The following HTR1F variants were observed in gnomAD, a reference collection of about 807,000 sequenced individuals.
HTR1F encodes 5-hydroxytryptamine receptor 1F, also known as 5-hydroxytryptamine (serotonin) receptor 1F, G protein-coupled.
In HTR1F, 17 loss-of-function variants were observed where a neutral mutation model predicts 24.0. That is an observed-to-expected ratio of 0.71 (90% CI 0.48 to 1.06). HTR1F has a LOEUF of 1.06. HTR1F is among the 50% of genes least tolerant of loss of function. HTR1F has a pLI of 0.00. For synonymous variants in HTR1F, 186 were observed against 156.8 expected, an observed-to-expected ratio of 1.19 and a Z score of -1.39; for missense variants, 391 against 427.8, an observed-to-expected ratio of 0.91 and a Z score of 0.76.
chr3:87,931,794 G>T (rs1313306581), intron 2 of HTR1F, among the ~76,000 whole-genome samples: 1 of 149,096 alleles, frequency 6.7e-6, no homozygotes, highest in East Asian at 2.0e-4. Flanking sequence ...TTCTCTGATG[G>T]CCAGTGATGG....
At chr3:87,920,213 G>A (rs1174281684) in intron 2 of HTR1F, among the ~76,000 whole-genome samples, 1 of 151,770 alleles carries the variant, frequency 6.6e-6, no homozygotes, top group Non-Finnish European at 1.5e-5. Flanking sequence ...GGATGCAAAG[G>A]CATAAGAATG....
intron 2 of HTR1F, among the ~76,000 whole-genome samples, chr3:87,953,591 T>C (rs1475290838): frequency 6.6e-6 from 1 of 151,512 alleles, no homozygotes; most frequent in Non-Finnish European, 1.5e-5. Flanking sequence ...TTGGTGGGAA[T>C]GTAAATTAGT....
intron 2 of HTR1F, among the ~76,000 whole-genome samples, chr3:87,970,069 T>G (rs956269351): frequency 6.6e-6 from 1 of 152,226 alleles, no homozygotes; most frequent in Non-Finnish European, 1.5e-5. Context: ...TCTTTCTTTA[T>G]AAATTACCCA....
chr3:87,830,908 G>A (rs189405696), intron 2 of HTR1F, among the ~76,000 whole-genome samples: 78 of 152,194 alleles, frequency 5.1e-4, no homozygotes, highest in Middle Eastern at 3.4e-3. Context: ...AATGTTTATG[G>A]CACATGTATT....
intron 2 of HTR1F, among the ~76,000 whole-genome samples, chr3:87,904,334 C>T (rs1455769670): frequency 6.6e-6 from 1 of 152,062 alleles, no homozygotes; most frequent in East Asian, 1.9e-4. Flanking sequence ...AATTGGGACA[C>T]TCAATACGCT....
At chr3:87,854,016 T>A (rs1289637303) in intron 2 of HTR1F, among the ~76,000 whole-genome samples, 1 of 152,058 alleles carries the variant, frequency 6.6e-6, no homozygotes, top group Non-Finnish European at 1.5e-5. Flanking sequence ...AAAATTTGGC[T>A]ATAAATCTAT....
At chr3:87,987,257 G>A (rs1221708209) in intron 2 of HTR1F, among the ~76,000 whole-genome samples, 12 of 152,054 alleles carry the variant, frequency 7.9e-5, no homozygotes, top group Non-Finnish European at 1.8e-4. Flanking sequence ...GGAGATATTG[G>A]AAGTAAAGTA....
intron 2 of HTR1F, among the ~76,000 whole-genome samples, chr3:87,945,333 T>C (rs1704672175): frequency 6.6e-6 from 1 of 152,106 alleles, no homozygotes; most frequent in South Asian, 2.1e-4. Flanking sequence ...CCTTTGGAGA[T>C]ACAACTTGCT....
intron 2 of HTR1F, among the ~76,000 whole-genome samples, chr3:87,896,014 T>A (rs1576000147): frequency 1.3e-5 from 2 of 152,188 alleles, no homozygotes; most frequent in East Asian, 3.9e-4. Flanking sequence ...TATTGTTGAA[T>A]TAGAAACAGT....
rs528414308 is a variant in HTR1F, at chr3:87,982,537, C to A, written c.-42-8171C>A. ...AGACTTTCTGTAGGCAGAAAGCAGG[C>A]TAAGAAGGCTACTTAGCTATAATCC... On this transcript the variant is annotated intron_variant, in intron 2 of 2. Coordinates refer to ENST00000319595, the MANE Select transcript of HTR1F (RefSeq NM_001322209.2). 4.6e-5 allele frequency among the ~76,000 whole-genome samples: 7 copies of A among 152,142 alleles called. No homozygotes were observed. The East Asian group carries it at 1.4e-3, about 30-fold the overall frequency.
rs1212917398 is a variant in HTR1F at position 87,990,942 on chromosome 3, C to T, written c.193C>T (p.Leu65Phe). The change falls in exon 3 of 3, where the codon CTT (leucine) becomes TTT (phenylalanine). Residue 65 changes from leucine to phenylalanine, a missense_variant. By Grantham distance (22) the Leu-to-Phe change is conservative (BLOSUM62 0). Transcript: ENST00000319595. ...HHPANYLICS[L>F]AVTDFLVAVL... is the part of the protein sequence containing the mutation. ...TCCAGCCAATTATTTAATTTGTTCC[C>T]TTGCAGTCACAGATTTTCTTGTGGC... The T allele has an allele frequency of 1.2e-6, 2 of 1,614,124 alleles. No homozygotes were observed.
chr3:87,930,840 T>C (rs1704246282), intron 2 of HTR1F, among the ~76,000 whole-genome samples: 1 of 152,128 alleles, frequency 6.6e-6, no homozygotes, highest in African/African-American at 2.4e-5. Flanking sequence ...TACCTATACA[T>C]ATACATTTAT....
At chr3:87,914,866 C>A (rs1352581852) in intron 2 of HTR1F, among the ~76,000 whole-genome samples, 1 of 152,092 alleles carries the variant, frequency 6.6e-6, no homozygotes, top group Non-Finnish European at 1.5e-5. Flanking sequence ...GAAAGCACCA[C>A]CCCCTGGCAG....
At chr3:87,824,012 G>C (rs1284923126) in intron 2 of HTR1F, among the ~76,000 whole-genome samples, 1 of 149,894 alleles carries the variant, frequency 6.7e-6, no homozygotes, top group African/African-American at 2.5e-5. Context: ...AGCCAAGATC[G>C]CACCAGCCTG....
intron 2 of HTR1F, among the ~76,000 whole-genome samples, chr3:87,875,628 G>A (rs1575974237): frequency 3.3e-5 from 5 of 151,802 alleles, no homozygotes; most frequent in African/African-American, 1.2e-4. Flanking sequence ...ACCTAATTAA[G>A]AATGGGCAAG....
At chr3:87,923,332 A>T (rs755444819) in intron 2 of HTR1F, among the ~76,000 whole-genome samples, 2 of 152,000 alleles carry the variant, frequency 1.3e-5, no homozygotes, top group Non-Finnish European at 2.9e-5. Flanking sequence ...GATCACATTG[A>T]ATCTGCAGGT....
chr3:87,983,591 T>C (rs1326797086), intron 2 of HTR1F, among the ~76,000 whole-genome samples: 2 of 152,210 alleles, frequency 1.3e-5, no homozygotes, highest in East Asian at 3.8e-4. Flanking sequence ...CTGGCCTATT[T>C]TCTCAGCTTG....
intron 2 of HTR1F, among the ~76,000 whole-genome samples, chr3:87,964,219 T>C (rs985687776): frequency 3.3e-5 from 5 of 152,140 alleles, no homozygotes; most frequent in African/African-American, 1.2e-4. Flanking sequence ...TATTAGAATA[T>C]AAAACTATAA....
intron 2 of HTR1F, among the ~76,000 whole-genome samples, chr3:87,845,247 A>G (rs1704912978): frequency 6.6e-6 from 1 of 151,732 alleles, no homozygotes; most frequent in South Asian, 2.1e-4. Context: ...ATTAGGCAGG[A>G]GAAGGAAATA....
Sources: gnomAD v4.1 joint callset for allele counts (sites outside exome capture counted in the v4.1 genomes callset) on GRCh38, gnomAD v4.1.1 for gene constraint, MANE v1.5 for transcripts, NCBI Gene and HGNC (gene_info 2026-07-23, HGNC 2026-07-21) for gene names.